Variants in DOCK2 observed in about 807,000 individuals in gnomAD.
The protein encoded by DOCK2 is dedicator of cytokinesis 2.
A neutral mutation model predicts 248.9 loss-of-function variants in DOCK2; 87 were observed. That is an observed-to-expected ratio of 0.35 (90% CI 0.29 to 0.42). The LOEUF (loss-of-function observed/expected upper bound fraction) is 0.42, where lower values mean the gene tolerates loss of function less well. Among genes scored for constraint, DOCK2 ranks in the 10% least tolerant of loss-of-function variants. The pLI is 1.00. For synonymous variants in DOCK2, 805 were observed against 821.6 expected, an observed-to-expected ratio of 0.98 and a Z score of 0.35; for missense variants, 1,747 against 2,300.2, an observed-to-expected ratio of 0.76 and a Z score of 4.92.
chr5:169,672,701 G>T (rs1195066692), intron 5 of DOCK2, among the ~76,000 whole-genome samples: 2 of 152,094 alleles, frequency 1.3e-5, no homozygotes, highest in African/African-American at 4.8e-5. Context: ...GATGCCAGTC[G>T]CAAGTCCTGG....
chr5:170,003,498 C>T (rs951483110), intron 30 of DOCK2, among the ~76,000 whole-genome samples: 6 of 152,264 alleles, frequency 3.9e-5, no homozygotes, highest in African/African-American at 1.4e-4. Context: ...AGTGATCAGG[C>T]AGACCCAATA....
chr5:169,893,869 G>A (rs1174642884), intron 27 of DOCK2, among the ~76,000 whole-genome samples: 9 of 152,154 alleles, frequency 5.9e-5, no homozygotes, highest in Admixed American at 2.0e-4. Flanking sequence ...CAGGAAAATC[G>A]TTTTCCATCT....
intron 27 of DOCK2, among the ~76,000 whole-genome samples, chr5:169,922,771 A>G (rs1482769388): frequency 1.3e-5 from 2 of 152,208 alleles, no homozygotes; most frequent in Non-Finnish European, 2.9e-5. Context: ...AGAGCTCCTC[A>G]GGCAAAGCTG....
chr5:169,835,618 A>C (rs1433069590), intron 26 of DOCK2, among the ~76,000 whole-genome samples: 1 of 152,278 alleles, frequency 6.6e-6, no homozygotes, highest in Non-Finnish European at 1.5e-5. Flanking sequence ...GAAATGTTTA[A>C]AAAAGAAGTA....
At chr5:169,999,422 A>C (rs1034161417) in intron 30 of DOCK2, among the ~76,000 whole-genome samples, 7 of 152,158 alleles carry the variant, frequency 4.6e-5, no homozygotes, top group Non-Finnish European at 8.8e-5. Flanking sequence ...AGCTCATTAT[A>C]ATAATAGTAA....
intron 38 of DOCK2, among the ~76,000 whole-genome samples, chr5:170,044,788 A>G (rs1756641941): frequency 6.6e-6 from 1 of 152,122 alleles, no homozygotes; most frequent in South Asian, 2.1e-4. Flanking sequence ...CACAGCTCAC[A>G]CTGCATTTTG....
chr5:169,713,586 A>G (rs781730563), intron 17 of DOCK2, among the ~76,000 whole-genome samples: 1 of 152,168 alleles, frequency 6.6e-6, no homozygotes, highest in Non-Finnish European at 1.5e-5. Context: ...AAAATAGTGT[A>G]TTCAAGATAG....
chr5:169,938,627 T>G (rs1279241472), intron 27 of DOCK2, among the ~76,000 whole-genome samples: 1 of 152,180 alleles, frequency 6.6e-6, no homozygotes, highest in African/African-American at 2.4e-5. Context: ...AATCAGTGAG[T>G]AAGTGGTGAG....
At chr5:169,862,397 A>G (rs1475247842) in intron 27 of DOCK2, among the ~76,000 whole-genome samples, 1 of 152,206 alleles carries the variant, frequency 6.6e-6, no homozygotes, top group Non-Finnish European at 1.5e-5. Context: ...GCTCTACTAC[A>G]AGATAAAATT....
intron 27 of DOCK2, chr5:169,864,379 T>C (rs954936903): frequency 9.7e-6 from 15 of 1,551,396 alleles, no homozygotes; most frequent in Non-Finnish European, 1.1e-5. Flanking sequence ...GGGCGATGCC[T>C]CCTCAACTGG....
intron 38 of DOCK2, among the ~76,000 whole-genome samples, chr5:170,044,159 T>A (rs908885401): frequency 6.6e-6 from 1 of 152,200 alleles, no homozygotes; most frequent in African/African-American, 2.4e-5. Context: ...CATGCTGGCT[T>A]TCTACTCCAT....
chr5:169,721,948 C>T (rs1048848924), intron 22 of DOCK2, among the ~76,000 whole-genome samples: 1 of 152,178 alleles, frequency 6.6e-6, no homozygotes, highest in Non-Finnish European at 1.5e-5. Context: ...AGGCACATGC[C>T]AGTGCTGTAG....
At chr5:169,923,879 T>C (rs1775302271) in intron 27 of DOCK2, among the ~76,000 whole-genome samples, 1 of 152,246 alleles carries the variant, frequency 6.6e-6, no homozygotes, top group Non-Finnish European at 1.5e-5. Flanking sequence ...AGTCAGTATA[T>C]GAGCTAAGAT....
chr5:169,812,644 A>G (rs369903010), intron 26 of DOCK2, among the ~76,000 whole-genome samples: 1 of 152,194 alleles, frequency 6.6e-6, no homozygotes, highest in Non-Finnish European at 1.5e-5. Context: ...ATTACAGTAA[A>G]CAAGAACACC....
chr5:169,658,051 AT>A (rs1330501066), intron 2 of DOCK2, among the ~76,000 whole-genome samples: 2 of 152,346 alleles, frequency 1.3e-5, no homozygotes, highest in African/African-American at 4.8e-5. Flanking sequence ...ATTAAAAAAA[AT>A]AACCACGTCT....
At chr5:169,714,585 C>T in intron 19 of DOCK2, 128 bp downstream of exon 19, 3 of 959,112 alleles carry the variant, frequency 3.1e-6, no homozygotes, top group Non-Finnish European at 4.6e-6. Flanking sequence ...AGGATACACT[C>T]TCCCGAGTTG....
rs1383310868 is a variant in DOCK2 at position 169,894,823 on chromosome 5, T to C, written c.2799+53971T>C. ...CAGAGACGGGACAAAATCCCAGGTT[T>C]TGAGAGTCCATGCGGGGGTTGTGGC... On this transcript the variant is annotated intron_variant, in intron 27 of 51. Transcript: ENST00000520908. Among the ~76,000 whole-genome samples, 3 of 152,298 alleles carry C rather than the reference T, an allele frequency of 2.0e-5. No individual in the cohort carries two copies. The East Asian group carries it at 5.8e-4, about 29-fold the overall frequency.
At chr5:169,830,523 CAAAATA>C (rs1769156912) in intron 26 of DOCK2, among the ~76,000 whole-genome samples, 1 of 152,074 alleles carries the variant, frequency 6.6e-6, no homozygotes, top group Non-Finnish European at 1.5e-5. Context: ...TTTTGAAGAA[CAAAATA>C]CTAAAGTGGA....
In DOCK2 at chr5:169,996,044, G is replaced by A. The variant is rs748980411; in HGVS notation, c.2994-42G>A. 4 of 1,603,096 alleles carry A rather than the reference G, an allele frequency of 2.5e-6. No individual in the cohort carries two copies. The South Asian group carries it at 3.3e-5, about 13-fold the overall frequency. ...GGCATAAGGACGAAGGAACTTAAGG[G>A]ATCATGCTCAGACAGTCTGGTAATT... On this transcript the variant is annotated intron_variant, in intron 29 of 51. Coordinates refer to ENST00000520908, the MANE Select transcript of DOCK2 (RefSeq NM_004946.3).
Sources: gnomAD v4.1 joint callset for allele counts (sites outside exome capture counted in the v4.1 genomes callset) on GRCh38, gnomAD v4.1.1 for gene constraint, MANE v1.5 for transcripts, NCBI Gene and HGNC (gene_info 2026-07-23, HGNC 2026-07-21) for gene names.